AP1M1: variants seen among roughly 807,000 people sequenced by gnomAD.
AP1M1 encodes the protein adaptor related protein complex 1 subunit mu 1.
A neutral mutation model predicts 57.1 loss-of-function variants in AP1M1; 18 were observed. The observed-to-expected ratio is 0.32, with a 90% CI of 0.22 to 0.47. The LOEUF is 0.47. AP1M1 is among the 20% of genes least tolerant of loss of function. The pLI, the probability that AP1M1 is intolerant of heterozygous loss-of-function variation, is 1.00. For missense variants in AP1M1, 362 were observed against 593.5 expected, an observed-to-expected ratio of 0.61 and a Z score of 4.05; for synonymous variants, 241 against 237.9, an observed-to-expected ratio of 1.01 and a Z score of -0.12.
At position 16,203,705 on chromosome 19, in the gene AP1M1, G is replaced by A. The variant is rs2145113805; in HGVS notation, c.199+90G>A. The A allele has an allele frequency of 7.1e-7, 1 of 1,410,990 alleles. No individual in the cohort carries two copies. The highest frequency in any genetic ancestry group is 9.7e-7 in the Non-Finnish European group (1 of 1,032,842). The allele number at this position is 1,410,990 out of a possible 1,614,324, so 87.4% of individuals were successfully genotyped here. On this transcript the variant is annotated intron_variant, in intron 2 of 11. Coordinates refer to ENST00000291439, the MANE Select transcript of AP1M1 (RefSeq NM_032493.4). The surrounding 1 kb of genome is among the most constrained non-coding windows in gnomAD (Gnocchi z 4.6). ...ACACGCCTGCAAGCAGGGCTGGTTT[G>A]TGCACAGCGCAAGCATTGGACACAG...
At chr19:16,217,547 TAC>T (rs1449419234) in intron 5 of AP1M1, among the ~76,000 whole-genome samples, 1 of 151,948 alleles carries the variant, frequency 6.6e-6, no homozygotes, top group African/African-American at 2.4e-5. Context: ...CCCGTTCAGG[TAC>T]AGTCTGCCAG....
chr19:16,223,296 T>G (rs28521115), intron 5 of AP1M1, among the ~76,000 whole-genome samples: 353 of 152,284 alleles, frequency 2.3e-3, no homozygotes, highest in African/African-American at 8.2e-3. Context: ...GTTCTCAAAC[T>G]CTTTCGTAAG....
chr19:16,228,225 C>G lies in AP1M1; in HGVS notation c.888+17C>G. The G allele has an allele frequency of 1.2e-6, 2 of 1,612,442 alleles. No individual in the cohort carries two copies. The highest frequency in any genetic ancestry group is 1.7e-6 in the Non-Finnish European group (2 of 1,179,766). On this transcript the variant is annotated intron_variant, in intron 8 of 11. Coordinates refer to ENST00000291439, the MANE Select transcript of AP1M1 (RefSeq NM_032493.4). This position sits in a 1 kb window ranked among gnomAD's most constrained non-coding sequence, Gnocchi z 5.0. ...ATGATCAAGGTGCGTGGGCCGAGGC[C>G]ACCCACTGAGGGCCTTCTGGTGTCT...
intron 5 of AP1M1, among the ~76,000 whole-genome samples, chr19:16,224,845 C>T (rs1423636673): frequency 5.3e-5 from 8 of 152,104 alleles, no homozygotes; most frequent in Non-Finnish European, 1.2e-4. Flanking sequence ...CCTGGAGCCC[C>T]GGCCAGTGAG....
chr19:16,233,947 G>A (rs1025999479), intron 10 of AP1M1: 24 of 551,254 alleles, frequency 4.4e-5, no homozygotes, highest in Admixed American at 6.8e-5. Flanking sequence ...CCTTCTGGCC[G>A]GGCCCCCCAA....
chr19:16,215,996 C>G (rs931811072), intron 5 of AP1M1, among the ~76,000 whole-genome samples: 1 of 152,142 alleles, frequency 6.6e-6, no homozygotes, highest in Admixed American at 6.5e-5. Flanking sequence ...AATTCTTATA[C>G]TGTGTTTTTC....
At chr19:16,201,600 A>G (rs1371916649) in intron 1 of AP1M1, among the ~76,000 whole-genome samples, 4 of 151,788 alleles carry the variant, frequency 2.6e-5, no homozygotes, top group Admixed American at 1.3e-4. Context: ...GTTTCACCAT[A>G]TTGGTCAGGC....
Position 16,234,523 on chromosome 19 carries a change from C to T in AP1M1, c.*88C>T. ...TGCCAAACCCACCAGATGGAGGGGC[C>T]CTCCCTGGTCTCTGGCCACCCTCCC... On this transcript the variant is annotated 3_prime_UTR_variant, in exon 12 of 12. Transcript: ENST00000291439. The T allele has an allele frequency of 1.3e-6, 2 of 1,548,588 alleles. No homozygotes were observed. The highest frequency in any genetic ancestry group is 1.1e-5 in the South Asian group (1 of 87,448).
intron 5 of AP1M1, among the ~76,000 whole-genome samples, chr19:16,225,850 C>T (rs2091568863): frequency 6.6e-6 from 1 of 152,084 alleles, no homozygotes; most frequent in Non-Finnish European, 1.5e-5. Context: ...GGGCCAGTGG[C>T]CTCCCTGGGA....
intron 10 of AP1M1, 113 bp from the exon 11 acceptor site, chr19:16,234,085 TC>T (rs2091611869): frequency 2.0e-6 from 2 of 1,021,662 alleles, no homozygotes; most frequent in Non-Finnish European, 2.8e-6. Context: ...CCTGTGCTCA[TC>T]CTGTCGTCAT....
chr19:16,197,983 GCCGCCA>G lies in AP1M1; in HGVS notation c.-38_-33del. 2 of 1,533,586 alleles carry G rather than the reference GCCGCCA, an allele frequency of 1.3e-6. No individual in the cohort carries two copies. Among genetic ancestry groups the G allele is most frequent in the Non-Finnish European group, 8.8e-7 (1 of 1,141,116 alleles). 95.0% of individuals were successfully genotyped at this position (1,533,586 alleles called of 1,614,324 possible). On this transcript the variant is annotated 5_prime_UTR_variant, in exon 1 of 12. Transcript: ENST00000291439. ...CCCAGCAGTCCCCACCGTCGCTGCC[GCCGCCA>G]CCGCCCTCGGCCGCTGCCGAGGCCT...
Position 16,203,510 on chromosome 19 carries a change from C to G in AP1M1, c.94C>G (p.His32Asp). Residue 32 changes from histidine to aspartate, a missense_variant, in exon 2 of 12, where the codon CAC (histidine) becomes GAC (aspartate). His to Asp is a moderately conservative substitution (Grantham distance 81). Coordinates refer to ENST00000291439, the MANE Select transcript of AP1M1 (RefSeq NM_032493.4). The surrounding 1 kb of genome is among the most constrained non-coding windows in gnomAD (Gnocchi z 4.6). ...RGDVDMSEVEHFMPILMEKEE... is the reference protein window; with the variant it reads ...RGDVDMSEVEDFMPILMEKEE... ...CGACGTGGACATGTCAGAGGTGGAG[C>G]ACTTCATGCCCATCCTGATGGAGAA... The G allele has an allele frequency of 6.2e-7, 1 of 1,614,198 alleles. No individual in the cohort carries two copies. Among genetic ancestry groups the G allele is most frequent in the East Asian group, 2.2e-5 (1 of 44,892 alleles).
chr19:16,232,798 C>A (rs1035602868), intron 9 of AP1M1, among the ~76,000 whole-genome samples: 1 of 152,194 alleles, frequency 6.6e-6, no homozygotes, highest in Admixed American at 6.5e-5. Context: ...GAGCTGAGAT[C>A]GTGCCCCCGA....
At chr19:16,213,902 T>C (rs140243559) in intron 5 of AP1M1, among the ~76,000 whole-genome samples, 87 of 152,332 alleles carry the variant, frequency 5.7e-4, no homozygotes, top group African/African-American at 2.0e-3. Context: ...CATTCAAGGT[T>C]AGTATTGATA....
chr19:16,234,140 A>AG lies in AP1M1; in HGVS notation c.1174-53dup, dbSNP rs948762989. On this transcript the variant is annotated intron_variant, in intron 10 of 11. Coordinates refer to ENST00000291439, the MANE Select transcript of AP1M1 (RefSeq NM_032493.4). ...CAGGCTGCCCCAGCAGGAAAGATTA[A>AG]GGGGGGACCAACAGGGCGGGAGCCT... 4.6e-6 allele frequency: 7 copies of AG among 1,534,354 alleles called. No homozygotes were observed. The African/African-American group carries it at 6.8e-5, about 15-fold the overall frequency.
Position 16,197,997 on chromosome 19 carries a change from C to CGGCCGCTGCCGCCGCCACCGCCCTA in AP1M1, c.-19_-18insCCGCCACCGCCCTAGGCCGCTGCCG. The CGGCCGCTGCCGCCGCCACCGCCCTA allele has an allele frequency of 6.4e-7, 1 of 1,559,484 alleles. No individual in the cohort carries two copies. ...CCGTCGCTGCCGCCGCCACCGCCCT[C>CGGCCGCTGCCGCCGCCACCGCCCTA]GGCCGCTGCCGAGGCCTCCTGCAGC... is the stretch of plus-strand genomic sequence containing the variant. On this transcript the variant is annotated 5_prime_UTR_variant, in exon 1 of 12. Transcript: ENST00000291439.
At chr19:16,217,874 C>T (rs1363268025) in intron 5 of AP1M1, among the ~76,000 whole-genome samples, 1 of 152,148 alleles carries the variant, frequency 6.6e-6, no homozygotes, top group African/African-American at 2.4e-5. Context: ...CAGAACTCGA[C>T]TTAGGAGGTG....
chr19:16,216,685 G>C (rs1456407439), intron 5 of AP1M1, among the ~76,000 whole-genome samples: 1 of 152,182 alleles, frequency 6.6e-6, no homozygotes, highest in Non-Finnish European at 1.5e-5. Flanking sequence ...TTCATTATTG[G>C]AAGATTTTAG....
In AP1M1 at chr19:16,207,999, TC is replaced by T. The variant is rs757192614; in HGVS notation, c.268-17del. Reference sequence around the variant, plus strand: ...CAATGATCTGCCTCCCATTCCTCCCTCCCTCCCCAACCGCCACAGGTGTTTT... The same window carrying T: ...CAATGATCTGCCTCCCATTCCTCCCTCCTCCCCAACCGCCACAGGTGTTTT... On this transcript the variant is annotated intron_variant, in intron 3 of 11. Transcript: ENST00000291439. This position sits in a 1 kb window ranked among gnomAD's most constrained non-coding sequence, Gnocchi z 4.2. The T allele has an allele frequency of 2.5e-6, 4 of 1,603,188 alleles. No individual in the cohort carries two copies. Among genetic ancestry groups the T allele is most frequent in the Non-Finnish European group, 3.4e-6 (4 of 1,174,776 alleles).
Sources: allele counts gnomAD v4.1 joint callset (sites outside exome capture counted in the v4.1 genomes callset), GRCh38; gene constraint gnomAD v4.1.1; non-coding constraint Gnocchi (gnomAD v3.1); transcripts MANE v1.5; gene names NCBI Gene and HGNC (gene_info 2026-07-23, HGNC 2026-07-21).